ZNF503: variants seen among roughly 807,000 people sequenced by gnomAD.
ZNF503 encodes zinc finger protein 503, also known as NocA-like zinc finger 2.
ZNF503 carries 15 observed loss-of-function variants against 34.4 expected under a neutral mutation model. The observed-to-expected ratio is 0.44, with a 90% confidence interval of 0.29 to 0.67. The LOEUF (loss-of-function observed/expected upper bound fraction) is 0.67. Ranked by LOEUF, ZNF503 falls within the 30% of genes least tolerant of loss-of-function variation. The pLI is 0.13. For missense variants in ZNF503, 1,007 were observed against 926.8 expected, an observed-to-expected ratio of 1.09 and a Z score of -1.12; for synonymous variants, 580 against 456.8, an observed-to-expected ratio of 1.27 and a Z score of -3.44.
the ZNF503 span, among the ~76,000 whole-genome samples, chr10:75,345,166 T>C: frequency 5.9e-5 from 9 of 152,334 alleles, no homozygotes; most frequent in South Asian, 1.4e-3. Flanking sequence ...AATGCTGTGA[T>C]GCTGAGCAGG....
the ZNF503 span, among the ~76,000 whole-genome samples, chr10:75,331,476 A>C: frequency 1.3e-5 from 2 of 152,172 alleles, no homozygotes; most frequent in African/African-American, 4.8e-5. Context: ...TAGAGACAGA[A>C]TCTCACTTTG....
chr10:75,331,113 T>C, the ZNF503 span, among the ~76,000 whole-genome samples: 1 of 152,256 alleles, frequency 6.6e-6, no homozygotes, highest in Non-Finnish European at 1.5e-5. Context: ...CAGTTTCAAA[T>C]GTTCCTCTTG....
chr10:75,345,873 T>C, the ZNF503 span, among the ~76,000 whole-genome samples: 6 of 151,996 alleles, frequency 3.9e-5, no homozygotes, highest in African/African-American at 1.2e-4. Context: ...AATAAAGGAA[T>C]TGTAGACTGG....
chr10:75,337,793 G>C, the ZNF503 span, among the ~76,000 whole-genome samples: 2 of 152,194 alleles, frequency 1.3e-5, no homozygotes, highest in African/African-American at 4.8e-5. Flanking sequence ...CCAGTGGCTT[G>C]CAGAGCAAAA....
chr10:75,297,335 TTCC>T, the ZNF503 span, among the ~76,000 whole-genome samples: 6 of 152,318 alleles, frequency 3.9e-5, no homozygotes, highest in South Asian at 1.2e-3. Context: ...TACACCTTCC[TTCC>T]TCTACAGCTA....
chr10:75,393,826 T>C (rs1025730009), downstream of ZNF503, among the ~76,000 whole-genome samples: 1 of 151,370 alleles, frequency 6.6e-6, no homozygotes, highest in Non-Finnish European at 1.5e-5. Context: ...GCCACAGCAC[T>C]CCAGCCTGGG....
the ZNF503 span, among the ~76,000 whole-genome samples, chr10:75,291,278 A>AAG: frequency 6.6e-6 from 1 of 152,176 alleles, no homozygotes; most frequent in Admixed American, 6.5e-5. Context: ...ATGATGCTCT[A>AAG]GTCTAACCTA....
At position 75,399,946 on chromosome 10, in the gene ZNF503, G is replaced by A. The variant is rs1843762615; in HGVS notation, c.744C>T (p.Ala248=). The A allele has an allele frequency of 6.2e-7, 1 of 1,606,256 alleles. No homozygotes were observed. The highest frequency in any genetic ancestry group is 8.5e-7 in the Non-Finnish European group (1 of 1,179,390). The part of the protein sequence containing the change: ...PGGMLSSAGG[A]PEGKDDKKDT... ...CTTTCTTGTCGTCCTTGCCCTCCGG[G>A]GCACCCCCGGCCGAGGACAGCATAC... Residue 248 remains alanine, a synonymous_variant, in exon 2 of 2, where the codon GCC becomes GCT. Transcript: ENST00000372524.
At position 75,399,836 on chromosome 10, in the gene ZNF503, C is replaced by A; in HGVS notation, c.854G>T (p.Ser285Ile). 6.2e-7 allele frequency: 1 copy of A among 1,604,706 alleles called. No homozygotes were observed. Among genetic ancestry groups the A allele is most frequent in the Non-Finnish European group, 8.5e-7 (1 of 1,177,038 alleles). ...ATCCACATTAATCCCGCCGCCGCAG[C>A]TAATCCGGCCGTGTGCCAGCCCCGT... ...GPTGLAHGRI[S>I]CGGGINVDVN... The change falls in exon 2 of 2, where the codon AGC (serine) becomes ATC (isoleucine). Residue 285 changes from serine to isoleucine, a missense_variant. By Grantham distance (142) the Ser-to-Ile change is moderately radical. Transcript: ENST00000372524.
At position 75,397,843 on chromosome 10, in the gene ZNF503, C is replaced by CT. The variant is rs1367824970; in HGVS notation, c.*905dup. The CT allele has an allele frequency of 6.6e-6, 1 of 152,624 alleles. No homozygotes were observed. Among genetic ancestry groups the CT allele is most frequent in the Non-Finnish European group, 1.5e-5 (1 of 68,048 alleles). 9.5% of individuals were successfully genotyped at this position (152,624 alleles called of 1,614,324 possible). A position where few individuals can be genotyped will look rare whatever the true frequency, so the allele number is the denominator to read the frequency against. On this transcript the variant is annotated 3_prime_UTR_variant, in exon 2 of 2. Coordinates refer to ENST00000372524, the MANE Select transcript of ZNF503 (RefSeq NM_032772.6). ...AAAGATAAGAAGAAGAAGTAAAACC[C>CT]TTTAATACATCAAATATACGGAATT...
chr10:75,367,843 G>A, the ZNF503 span, among the ~76,000 whole-genome samples: 1 of 152,104 alleles, frequency 6.6e-6, no homozygotes, highest in Non-Finnish European at 1.5e-5. Context: ...CAGGGTTCGG[G>A]GACTGCCACA....
chr10:75,325,331 T>C, the ZNF503 span, among the ~76,000 whole-genome samples: 2 of 73,918 alleles, frequency 2.7e-5, no homozygotes, highest in African/African-American at 2.7e-4. Context: ...ATATATATAT[T>C]TTTTTTTTTT....
the ZNF503 span, among the ~76,000 whole-genome samples, chr10:75,379,710 G>A: frequency 6.6e-6 from 1 of 152,252 alleles, no homozygotes; most frequent in Non-Finnish European, 1.5e-5. Flanking sequence ...GGAAGTCCTT[G>A]AGTAATTAGC....
the ZNF503 span, among the ~76,000 whole-genome samples, chr10:75,327,909 T>A: frequency 6.6e-6 from 1 of 152,124 alleles, no homozygotes; most frequent in Non-Finnish European, 1.5e-5. Flanking sequence ...TTGAGAGATG[T>A]CTATTCAGCT....
chr10:75,394,670 G>A (rs759583838), downstream of ZNF503, among the ~76,000 whole-genome samples: 5 of 152,194 alleles, frequency 3.3e-5, no homozygotes, highest in Non-Finnish European at 5.9e-5. Flanking sequence ...GTCTGCTGTC[G>A]GAGCATAAGT....
the ZNF503 span, among the ~76,000 whole-genome samples, chr10:75,300,021 G>A: frequency 0.019 from 2,960 of 152,262 alleles, 110 homozygotes; most frequent in African/African-American, 0.067. Flanking sequence ...TTATTAGGCA[G>A]GAATTTCCTC....
chr10:75,380,935 A>G, the ZNF503 span, among the ~76,000 whole-genome samples: 1 of 152,212 alleles, frequency 6.6e-6, no homozygotes, highest in Non-Finnish European at 1.5e-5. Context: ...CTCGAATTGC[A>G]TCATGGCATT....
the ZNF503 span, among the ~76,000 whole-genome samples, chr10:75,365,308 C>T: frequency 5.3e-5 from 8 of 152,238 alleles, 1 homozygote; most frequent in East Asian, 1.2e-3. Flanking sequence ...CCACCACACC[C>T]GGCTAATTTT....
downstream of ZNF503, among the ~76,000 whole-genome samples, chr10:75,396,070 C>T (rs1416437457): frequency 1.3e-5 from 2 of 152,138 alleles, no homozygotes; most frequent in Non-Finnish European, 2.9e-5. This position sits in a 1 kb window ranked among gnomAD's most constrained non-coding sequence, Gnocchi z 4.4. Context: ...GCCTGGCTTT[C>T]AGGTCCTGAG....
Sources: gnomAD v4.1 joint callset for allele counts (sites outside exome capture counted in the v4.1 genomes callset) on GRCh38, gnomAD v4.1.1 for gene constraint, Gnocchi (gnomAD v3.1) non-coding constraint, MANE v1.5 for transcripts, NCBI Gene and HGNC (gene_info 2026-07-23, HGNC 2026-07-21) for gene names.